The following TRAF2 variants were observed in gnomAD, a reference collection of about 807,000 sequenced individuals.
TRAF2 encodes TNF receptor-associated factor 2.
TRAF2 carries 6 observed loss-of-function variants against 55.6 expected under a neutral mutation model. The ratio of observed to expected loss-of-function variants is 0.11; its 90% CI spans 0.06 to 0.21. The LOEUF (loss-of-function observed/expected upper bound fraction) is 0.21, where lower values mean the gene tolerates loss of function less well. TRAF2 is among the 10% of genes least tolerant of loss of function. The pLI is 1.00. For missense variants in TRAF2, 561 were observed against 684.5 expected, an observed-to-expected ratio of 0.82 and a Z score of 2.01; for synonymous variants, 329 against 276.3, an observed-to-expected ratio of 1.19 and a Z score of -1.89.
chr9:136,911,933 TCCGCCTCCTGGGTTCACG>T (rs1449491323), intron 6 of TRAF2, among the ~76,000 whole-genome samples: 2 of 141,266 alleles, frequency 1.4e-5, no homozygotes, highest in East Asian at 4.5e-4. Context: ...CACTGCAAGC[TCCGCCTCCTGGGTTCACG>T]CCATTCTCCT....
intron 6 of TRAF2, among the ~76,000 whole-genome samples, chr9:136,914,013 C>T (rs184605831): frequency 4.6e-5 from 7 of 152,324 alleles, no homozygotes; most frequent in Non-Finnish European, 8.8e-5. Flanking sequence ...CCAAACAGCC[C>T]AGAAGCCTTG....
chr9:136,893,457 G>A (rs186287603), intron 1 of TRAF2, among the ~76,000 whole-genome samples: 1 of 152,350 alleles, frequency 6.6e-6, no homozygotes, highest in East Asian at 1.9e-4. Flanking sequence ...GTCAGTGAGC[G>A]CAGGTCAGGG....
At chr9:136,903,191 T>C (rs1849861888) in intron 4 of TRAF2, among the ~76,000 whole-genome samples, 2 of 152,224 alleles carry the variant, frequency 1.3e-5, no homozygotes, top group South Asian at 4.1e-4. Flanking sequence ...CCTCAAGTGA[T>C]CCATCCACCT....
Position 136,926,189 on chromosome 9 carries a change from G to C in TRAF2, c.*288G>C. On this transcript the variant is annotated 3_prime_UTR_variant, in exon 11 of 11. Coordinates refer to ENST00000247668, the MANE Select transcript of TRAF2 (RefSeq NM_021138.4). ...CTTCCCAGCACAAGCTGCCCTTGCT[G>C]TCCTGTGCAGTGAAGGGAGAGGCCC... is the stretch of plus-strand genomic sequence containing the variant. 1 of 560,482 alleles carries C rather than the reference G, an allele frequency of 1.8e-6. No homozygotes were observed. The allele number at this position is 560,482 out of a possible 1,614,324, so 34.7% of individuals were successfully genotyped here.
chr9:136,912,462 T>G (rs1202861555), intron 6 of TRAF2, among the ~76,000 whole-genome samples: 7 of 152,268 alleles, frequency 4.6e-5, no homozygotes, highest in African/African-American at 1.7e-4. Flanking sequence ...GCCTGGCCTC[T>G]CTTATCTTTT....
chr9:136,900,177 AAAAAAGAAT>A (rs1218907910), intron 3 of TRAF2, among the ~76,000 whole-genome samples: 1 of 125,458 alleles, frequency 8.0e-6, no homozygotes, highest in African/African-American at 3.7e-5. Context: ...TTTAAAAAAA[AAAAAAGAAT>A]AAAGGGCCGC....
In TRAF2 at chr9:136,908,226, G is replaced by GT; in HGVS notation, c.524dup (p.Lys176GlufsTer15). 1 of 1,578,994 alleles carries GT rather than the reference G, an allele frequency of 6.3e-7. No individual in the cohort carries two copies. Among genetic ancestry groups the GT allele is most frequent in the Non-Finnish European group, 8.5e-7 (1 of 1,170,516 alleles). ...CCGGGCACCCTGCTGCGGAGCAGAC[G>GT]TGAAGGTGCGTGGGGTGGAGCAGCA... On this transcript the variant is annotated frameshift_variant, in exon 5 of 11. Transcript: ENST00000247668. LOFTEE classifies it high-confidence loss of function.
intron 4 of TRAF2, among the ~76,000 whole-genome samples, chr9:136,901,561 A>G (rs1243405420): frequency 6.6e-6 from 1 of 152,240 alleles, no homozygotes; most frequent in Non-Finnish European, 1.5e-5. Flanking sequence ...TAGAGTCATC[A>G]GATCCATGGG....
intron 6 of TRAF2, among the ~76,000 whole-genome samples, chr9:136,910,803 G>A (rs540232003): frequency 8.5e-5 from 13 of 152,378 alleles, no homozygotes; most frequent in Middle Eastern, 3.4e-3. Flanking sequence ...TCCTGAAATG[G>A]GTAGGGCTGG....
chr9:136,887,516 G>A (rs1849480982), intron 1 of TRAF2, among the ~76,000 whole-genome samples: 2 of 152,270 alleles, frequency 1.3e-5, no homozygotes, highest in South Asian at 2.1e-4. Flanking sequence ...GACAGGGGGT[G>A]GGGTGTCTGG....
intron 4 of TRAF2, among the ~76,000 whole-genome samples, chr9:136,903,742 T>C (rs974590860): frequency 1.3e-5 from 2 of 151,996 alleles, no homozygotes; most frequent in Non-Finnish European, 1.5e-5. Context: ...AGTGCAGTGG[T>C]GCGATCTCGG....
rs140424445 is a variant in TRAF2, at chr9:136,888,610, G to A, written c.-29+2069G>A. Reference sequence around the variant, plus strand: ...GAACCCAAGCGTTTGCGGCGACTAGGTGACCCCTGCAGCGGCCAGGTTGCA... The same window carrying A: ...GAACCCAAGCGTTTGCGGCGACTAGATGACCCCTGCAGCGGCCAGGTTGCA... On this transcript the variant is annotated intron_variant, in intron 1 of 10. Coordinates refer to ENST00000247668, the MANE Select transcript of TRAF2 (RefSeq NM_021138.4). 6.5e-3 allele frequency among the ~76,000 whole-genome samples: 996 copies of A among 152,342 alleles called. 7 individuals carry two copies. Among genetic ancestry groups the A allele is most frequent in the African/African-American group, 0.022 (923 of 41,570 alleles).
chr9:136,914,639 T>C (rs1850197389), intron 6 of TRAF2, among the ~76,000 whole-genome samples: 1 of 152,232 alleles, frequency 6.6e-6, no homozygotes, highest in Admixed American at 6.5e-5. Flanking sequence ...CTGTCTCCTT[T>C]CTACAGAAAG....
intron 4 of TRAF2, among the ~76,000 whole-genome samples, chr9:136,907,588 C>T (rs545785617): frequency 2.0e-5 from 3 of 152,320 alleles, no homozygotes; most frequent in East Asian, 1.9e-4. Context: ...TGCTATCTCC[C>T]GTGCGTGTTC....
At chr9:136,905,230 C>T (rs1320563674) in intron 4 of TRAF2, among the ~76,000 whole-genome samples, 2 of 152,226 alleles carry the variant, frequency 1.3e-5, no homozygotes, top group Non-Finnish European at 2.9e-5. Flanking sequence ...GCCCTGGCCT[C>T]TCAGGAACCT....
chr9:136,891,358 T>C (rs867365810), intron 1 of TRAF2, among the ~76,000 whole-genome samples: 1 of 152,206 alleles, frequency 6.6e-6, no homozygotes, highest in Middle Eastern at 3.4e-3. Flanking sequence ...TCCGCCCGCC[T>C]CGGCCTCCCA....
intron 6 of TRAF2, among the ~76,000 whole-genome samples, chr9:136,911,544 C>T (rs545355696): frequency 2.6e-5 from 4 of 152,268 alleles, no homozygotes; most frequent in East Asian, 1.9e-4. Context: ...GGATTACAGG[C>T]GTGAGCCACT....
upstream of TRAF2, chr9:136,886,275 C>T (rs1849444391): frequency 8.3e-6 from 4 of 483,210 alleles, no homozygotes; most frequent in South Asian, 1.8e-4. Context: ...CAGAGGGCGA[C>T]TTAGGTACCC....
At chr9:136,892,372 G>A (rs1237489491) in intron 1 of TRAF2, among the ~76,000 whole-genome samples, 1 of 152,182 alleles carries the variant, frequency 6.6e-6, no homozygotes, top group East Asian at 1.9e-4. Context: ...GCTGAGGCAG[G>A]AGAATGGCGT....
Sources: gnomAD v4.1 joint callset for allele counts (sites outside exome capture counted in the v4.1 genomes callset) on GRCh38, gnomAD v4.1.1 for gene constraint, MANE v1.5 for transcripts, NCBI Gene and HGNC (gene_info 2026-07-23, HGNC 2026-07-21) for gene names.